MCM3: variants seen among roughly 807,000 people sequenced by gnomAD.
MCM3 encodes the protein minichromosome maintenance complex component 3.
Under a neutral mutation model 91.3 loss-of-function variants are expected in MCM3, and 59 were observed. The observed-to-expected ratio is 0.65, with a 90% CI of 0.52 to 0.80. The LOEUF (loss-of-function observed/expected upper bound fraction) is 0.80, where lower values mean the gene tolerates loss of function less well. Among genes scored for constraint, MCM3 ranks in the 30% least tolerant of loss-of-function variants. The probability of loss-of-function intolerance (pLI) is 0.00; values close to 1 mark genes in which losing one functional copy is unlikely to be tolerated. For synonymous variants in MCM3, 383 were observed against 379.6 expected (o/e 1.01, Z -0.10); for missense variants, 919 against 1,035.4 (o/e 0.89, Z 1.54).
rs70977337 is a variant in MCM3, at chr6:52,267,096, CT to C, written c.2073-401del. Among the ~76,000 whole-genome samples, 138 of 111,570 alleles carry C rather than the reference CT, an allele frequency of 1.2e-3. 1 individual carries two copies. Among genetic ancestry groups the C allele is most frequent in the African/African-American group, 2.6e-3 (76 of 29,724 alleles). The allele number at this position is 111,570 out of a possible 152,430, so 73.2% of individuals were successfully genotyped here. On this transcript the variant is annotated intron_variant, in intron 14 of 16. Coordinates refer to ENST00000596288, the MANE Select transcript of MCM3 (RefSeq NM_002388.6). ...CCTTCTCTTTTACCCAGGGTATCTT[CT>C]TTTTTTTTTTTTTTTGAGACGGACG...
chr6:52,264,689 T>C lies in MCM3; in HGVS notation c.2326A>G (p.Ser776Gly), dbSNP rs1321671370. The change falls in exon 17 of 17, where the codon AGC becomes GGC. Residue 776 changes from serine to glycine, a missense_variant. Transcript: ENST00000596288. Reference sequence around the variant, plus strand: ...TCAACTGAAGAGAAGGGCTCTTCGCTGTCCCGGTTGATGGATTCTGTGAGG... The same window carrying C: ...TCAACTGAAGAGAAGGGCTCTTCGCCGTCCCGGTTGATGGATTCTGTGAGG... ...NRLTESINRD[S>G]EEPFSSVEIQ... 4 of 1,614,110 alleles carry C rather than the reference T, an allele frequency of 2.5e-6. No individual in the cohort carries two copies. The highest frequency in any genetic ancestry group is 3.4e-6 in the Non-Finnish European group (4 of 1,180,042).
chr6:52,272,506 G>A, intron 11 of MCM3, 55 bp from the exon 12 acceptor site: 1 of 1,603,720 alleles, frequency 6.2e-7, no homozygotes, highest in Non-Finnish European at 8.5e-7. Flanking sequence ...CACCTGCCTG[G>A]ATTAGTGGCT....
intron 7 of MCM3, 146 bp downstream of exon 7, chr6:52,277,389 C>CAAA (rs60481410): frequency 2.2e-5 from 18 of 817,148 alleles, no homozygotes; most frequent in East Asian, 5.9e-5. Flanking sequence ...CCAGAGATGA[C>CAAA]AAAAAAAAAA....
chr6:52,278,791 G>A lies in MCM3; in HGVS notation c.830C>T (p.Ser277Phe), dbSNP rs761357005. The A allele has an allele frequency of 1.4e-5, 23 of 1,613,922 alleles. No homozygotes were observed. In the South Asian group the frequency reaches 2.4e-4, roughly 17 times the overall value. The change falls in exon 6 of 17, where the codon TCT becomes TTT. Residue 277 changes from serine (S) to phenylalanine (F), a missense_variant. Ser to Phe is a radical substitution (Grantham distance 155). This residue lies in a region of MCM3 where 401 missense variants were observed against 402.7 expected (regional missense o/e 1.00). Transcript: ENST00000596288. The part of the protein sequence containing the change: ...QMSKDAQPSF[S>F]AEDIAKIKKF... ...CTTGATCTTGGCTATATCCTCAGCA[G>A]AGAAAGAGGGCTGAGCATCCTTGCT...
intron 9 of MCM3, among the ~76,000 whole-genome samples, chr6:52,274,221 T>C (rs1018419801): frequency 1.3e-5 from 2 of 152,034 alleles, no homozygotes; most frequent in Non-Finnish European, 2.9e-5. Flanking sequence ...CTCTTCTCAT[T>C]CCCAAGGCAG....
chr6:52,265,267 G>T, intron 16 of MCM3: 1 of 437,660 alleles, frequency 2.3e-6, no homozygotes. Context: ...AAAAGAATGA[G>T]ATCAAACAAG....
chr6:52,278,893 C>A, intron 5 of MCM3, 43 bp from the exon 6 acceptor site: 2 of 1,404,760 alleles, frequency 1.4e-6, no homozygotes, highest in South Asian at 1.2e-5. Context: ...ATATTCAATT[C>A]CTAACATCAG....
Position 52,266,627 on chromosome 6 carries a change from CTCTG to C in MCM3, c.2138_2141del (p.Thr713ArgfsTer26). 6.2e-7 allele frequency: 1 copy of C among 1,614,118 alleles called. No homozygotes were observed. The highest frequency in any genetic ancestry group is 8.5e-7 in the Non-Finnish European group (1 of 1,179,992). On this transcript the variant is annotated frameshift_variant, in exon 15 of 17. Coordinates refer to ENST00000596288, the MANE Select transcript of MCM3 (RefSeq NM_002388.6). LOFTEE classifies it high-confidence loss of function. The stretch of plus-strand genomic sequence containing the variant: ...CTCACTCACCTTGAGGCATTTCCTC[CTCTG>C]TGTCACTGAAGTCATAGGGGTCGTA...
intron 16 of MCM3, chr6:52,265,247 G>T: frequency 2.4e-6 from 1 of 424,466 alleles, no homozygotes. Flanking sequence ...TGGAAACCCT[G>T]CAGTCATTAA....
At chr6:52,272,226 G>T (rs932898338) in intron 12 of MCM3, 75 bp downstream of exon 12, 42 of 1,456,462 alleles carry the variant, frequency 2.9e-5, no homozygotes, top group Non-Finnish European at 3.9e-5. Context: ...TGCTTTCAAA[G>T]CTCCCAGATA....
intron 16 of MCM3, 145 bp downstream of exon 16, chr6:52,265,930 T>C: frequency 1.7e-6 from 1 of 574,916 alleles, no homozygotes. Flanking sequence ...TAAATGAGAA[T>C]ATAAAATGTT....
chr6:52,284,436 G>A (rs1355937905), intron 1 of MCM3, among the ~76,000 whole-genome samples, 161 bp downstream of exon 1: 1 of 152,222 alleles, frequency 6.6e-6, no homozygotes, highest in African/African-American at 2.4e-5. Context: ...AAACTAGCGA[G>A]TCCGGCGTTG....
chr6:52,270,743 C>T (rs187217866), intron 12 of MCM3, among the ~76,000 whole-genome samples: 4 of 152,112 alleles, frequency 2.6e-5, no homozygotes, highest in Admixed American at 1.3e-4. Context: ...ACCAGAAGTT[C>T]GCATGTGGAA....
At chr6:52,278,668 A>C (rs932768079) in intron 6 of MCM3, 74 bp downstream of exon 6, 11 of 994,992 alleles carry the variant, frequency 1.1e-5, no homozygotes, top group African/African-American at 1.6e-5. Flanking sequence ...GATCTAGTAC[A>C]AAAATAGCCA....
intron 14 of MCM3, among the ~76,000 whole-genome samples, chr6:52,267,332 G>A (rs950471182): frequency 7.2e-5 from 11 of 151,890 alleles, no homozygotes; most frequent in Admixed American, 5.2e-4. Flanking sequence ...TCCTGACCTC[G>A]TGATCCGCCT....
At chr6:52,282,510 C>A in intron 3 of MCM3, 143 bp downstream of exon 3, 1 of 689,194 alleles carries the variant, frequency 1.5e-6, no homozygotes. Flanking sequence ...TCATTGTACA[C>A]ACTGAGCCCT....
intron 11 of MCM3, among the ~76,000 whole-genome samples, 187 bp from the exon 12 acceptor site, chr6:52,272,638 T>C (rs1468368490): frequency 1.3e-5 from 2 of 152,230 alleles, no homozygotes; most frequent in Non-Finnish European, 2.9e-5. Context: ...AGGTATTATT[T>C]GTAAGTTAGG....
intron 14 of MCM3, 27 bp from the exon 15 acceptor site, chr6:52,266,723 G>A: frequency 6.3e-7 from 1 of 1,589,208 alleles, no homozygotes; most frequent in East Asian, 2.2e-5. Flanking sequence ...AGTTAAGAGA[G>A]AGAAAGAGTT....
At position 52,266,171 on chromosome 6, in the gene MCM3, T is replaced by A. The variant is rs746629287; in HGVS notation, c.2159-27A>T. The A allele has an allele frequency of 6.9e-6, 11 of 1,584,294 alleles. No individual in the cohort carries two copies. In the East Asian group the frequency reaches 2.5e-4, roughly 35 times the overall value. ...TTCAGAGGGTTGATGGTTGTAGAGA[T>A]GGGGAAGATAAGCAAGGTGAAGCCA... On this transcript the variant is annotated intron_variant, in intron 15 of 16. Transcript: ENST00000596288.
Sources: allele counts gnomAD v4.1 joint callset (sites outside exome capture counted in the v4.1 genomes callset), GRCh38; gene constraint gnomAD v4.1.1; regional missense constraint gnomAD v4.1.1; transcripts MANE v1.5; gene names NCBI Gene and HGNC (gene_info 2026-07-23, HGNC 2026-07-21).